CKAP2: variants seen among roughly 807,000 people sequenced by gnomAD.
The protein encoded by CKAP2 is cytoskeleton associated protein 2, also known as cytoskeleton-associated protein 2.
A neutral mutation model predicts 58.4 loss-of-function variants in CKAP2; 46 were observed. The observed-to-expected ratio is 0.79, with a 90% CI of 0.62 to 1.01. CKAP2 has a LOEUF of 1.01. Among genes scored for constraint, CKAP2 ranks in the 50% least tolerant of loss-of-function variants. The pLI, the probability that CKAP2 is intolerant of heterozygous loss-of-function variation, is 0.00. For synonymous variants in CKAP2, 293 were observed against 280.9 expected (o/e 1.04, Z -0.43); for missense variants, 809 against 796.4 (o/e 1.02, Z -0.19).
intron 6 of CKAP2, chr13:52,465,837 A>G: frequency 7.6e-6 from 3 of 392,618 alleles, no homozygotes; most frequent in Non-Finnish European, 1.5e-5. Context: ...TCGCTTTTTA[A>G]ATGTTATCAA....
chr13:52,461,179 A>C lies in CKAP2; in HGVS notation c.353A>C (p.His118Pro). The C allele has an allele frequency of 8.7e-6, 14 of 1,613,980 alleles. No homozygotes were observed. Among genetic ancestry groups the C allele is most frequent in the Non-Finnish European group, 1.2e-5 (14 of 1,179,994 alleles). Residue 118 changes from histidine (H) to proline (P), a missense_variant, in exon 4 of 9, where the codon CAT (histidine) becomes CCT (proline). His to Pro is a moderately conservative substitution (Grantham distance 77). This residue lies in a region of CKAP2 where 523 missense variants were observed against 492.4 expected (regional missense o/e 1.06). Coordinates refer to ENST00000258607, the MANE Select transcript of CKAP2 (RefSeq NM_018204.5). ...AATTCAACTGTAGTAATTGACACAC[A>C]TAAACCTAAGGATAGTAATCAAACT... is the stretch of plus-strand genomic sequence containing the variant. ...LTNSTVVIDT[H>P]KPKDSNQTPH...
chr13:52,471,361 G>A (rs1408878999), intron 7 of CKAP2, among the ~76,000 whole-genome samples: 1 of 152,148 alleles, frequency 6.6e-6, no homozygotes, highest in East Asian at 1.9e-4. Context: ...GGTATCATTA[G>A]TCTTTAGATG....
intron 2 of CKAP2, 129 bp downstream of exon 2, chr13:52,456,736 T>C (rs1463624328): frequency 3.0e-6 from 2 of 665,760 alleles, no homozygotes; most frequent in Non-Finnish European, 5.2e-6. Context: ...TGCTTACATA[T>C]TATTTTACGT....
At position 52,455,543 on chromosome 13, in the gene CKAP2, G is replaced by A. The variant is rs372978529; in HGVS notation, c.-14G>A. On this transcript the variant is annotated 5_prime_UTR_variant, in exon 1 of 9. Transcript: ENST00000258607. Reference sequence around the variant, plus strand: ...GCGCTAAAGCGGAGACGCATCCCCCGACCCGAGGCTACGATGAGCACACCG... The same window carrying A: ...GCGCTAAAGCGGAGACGCATCCCCCAACCCGAGGCTACGATGAGCACACCG... The A allele has an allele frequency of 3.1e-6, 5 of 1,612,776 alleles. No individual in the cohort carries two copies. Among genetic ancestry groups the A allele is most frequent in the Non-Finnish European group, 4.2e-6 (5 of 1,179,826 alleles).
chr13:52,462,394 G>C lies in CKAP2; in HGVS notation c.1132G>C (p.Gly378Arg), dbSNP rs1279323771. The change falls in exon 5 of 9, where the codon GGA (glycine) becomes CGA (arginine). Residue 378 changes from glycine to arginine, a missense_variant. By Grantham distance (125) the Gly-to-Arg change is moderately radical. Coordinates refer to ENST00000258607, the MANE Select transcript of CKAP2 (RefSeq NM_018204.5). ...TCTGAGTGAGTGGAAAGCTGGCAAA[G>C]GAAGAGTGCTAAAAAGGCCCCCTAA... Reference protein sequence around the residue: ...ARLSEWKAGKGRVLKRPPNSV... With the variant: ...ARLSEWKAGKRRVLKRPPNSV... 9.3e-6 allele frequency: 15 copies of C among 1,614,088 alleles called. 1 individual carries two copies. In the South Asian group the frequency reaches 1.5e-4, roughly 17 times the overall value.
At chr13:52,457,105 C>T (rs1032990840) in intron 2 of CKAP2, among the ~76,000 whole-genome samples, 7 of 152,054 alleles carry the variant, frequency 4.6e-5, no homozygotes, top group African/African-American at 1.2e-4. Flanking sequence ...CTATGTTGGC[C>T]GGGCTGGTCT....
chr13:52,475,113 G>A lies in CKAP2; in HGVS notation c.2021G>A (p.Arg674Gln), dbSNP rs1250721083. 1.2e-6 allele frequency: 2 copies of A among 1,614,046 alleles called. No homozygotes were observed. The highest frequency in any genetic ancestry group is 2.2e-5 in the East Asian group (1 of 44,896). ...TGCCGCCCTAATGCAGCACTGTGCC[G>A]GGTGTACTATGAGGCTGATACAACA... ...FVCRPNAALC[R>Q]VYYEADTT The change falls in exon 9 of 9, where the codon CGG becomes CAG. Residue 674 changes from arginine to glutamine, a missense_variant. Physicochemically the swap from Arg to Gln is conservative, Grantham distance 43 (BLOSUM62 1). Transcript: ENST00000258607.
intron 7 of CKAP2, among the ~76,000 whole-genome samples, chr13:52,469,986 T>C (rs61959707): frequency 0.038 from 5,785 of 152,316 alleles, 135 homozygotes; most frequent in South Asian, 0.07. Flanking sequence ...GGTTTTCAAT[T>C]ATTTGCTGTA....
At chr13:52,465,658 A>G (rs1958657026) in intron 6 of CKAP2, 193 bp downstream of exon 6, 1 of 655,762 alleles carries the variant, frequency 1.5e-6, no homozygotes, top group Admixed American at 2.3e-5. Flanking sequence ...TGTATTGGGA[A>G]TAATCAGATT....
Position 52,475,000 on chromosome 13 carries a change from A to G in CKAP2, c.1908A>G (p.Lys636=). Residue 636 remains lysine, a synonymous_variant, in exon 9 of 9, where the codon AAA becomes AAG. Transcript: ENST00000258607. ...GACGTCTTCAAGAGAAAACTTCTAA[A>G]TTGCCAGATATGTTAAAAGATCATT... ...RSRRLQEKTS[K]LPDMLKDHYP... 6.2e-7 allele frequency: 1 copy of G among 1,614,220 alleles called. No individual in the cohort carries two copies. Among genetic ancestry groups the G allele is most frequent in the Non-Finnish European group, 8.5e-7 (1 of 1,180,030 alleles).
intron 2 of CKAP2, among the ~76,000 whole-genome samples, chr13:52,459,451 T>C (rs545351674): frequency 5.8e-4 from 88 of 152,076 alleles, no homozygotes; most frequent in South Asian, 2.5e-3. Flanking sequence ...GCCTCCAGGG[T>C]AGCTGGGATT....
Position 52,461,487 on chromosome 13 carries a change from A to C in CKAP2, c.661A>C (p.Asn221His). The C allele has an allele frequency of 6.2e-7, 1 of 1,614,160 alleles. No individual in the cohort carries two copies. Among genetic ancestry groups the C allele is most frequent in the Non-Finnish European group, 8.5e-7 (1 of 1,180,028 alleles). ...IPKATKPQPV[N>H]TSSVTVKSNR... ...TAAAGCCACAAAACCTCAGCCTGTAAACACCAGCAGTGTAACAGTGAAAAG... is the reference window on the plus strand; with the variant it reads ...TAAAGCCACAAAACCTCAGCCTGTACACACCAGCAGTGTAACAGTGAAAAG... Residue 221 changes from asparagine to histidine, a missense_variant, in exon 4 of 9, where the codon AAC (asparagine) becomes CAC (histidine). Coordinates refer to ENST00000258607, the MANE Select transcript of CKAP2 (RefSeq NM_018204.5).
rs574052005 is a variant in CKAP2 at position 52,462,043 on chromosome 13, T to C, written c.1100+117T>C. 3.6e-4 allele frequency: 343 copies of C among 958,044 alleles called. 2 individuals are homozygous for C. In the East Asian group the frequency reaches 9.3e-3, roughly 26 times the overall value. 59.3% of individuals were successfully genotyped at this position (958,044 alleles called of 1,614,324 possible). A position where few individuals can be genotyped will look rare whatever the true frequency, so the allele number is the denominator to read the frequency against. On this transcript the variant is annotated intron_variant, in intron 4 of 8. Coordinates refer to ENST00000258607, the MANE Select transcript of CKAP2 (RefSeq NM_018204.5). ...TTCTTTCATGGTTTCTCTTCTGTCA[T>C]ATGCAGGCAAATTTATATTGTGGAA...
Position 52,475,324 on chromosome 13 carries a change from G to A in CKAP2, c.*183G>A. The A allele has an allele frequency of 1.4e-6, 1 of 706,886 alleles. No homozygotes were observed. The allele number at this position is 706,886 out of a possible 1,614,324, so 43.8% of individuals were successfully genotyped here. A position where few individuals can be genotyped will look rare whatever the true frequency, so the allele number is the denominator to read the frequency against. On this transcript the variant is annotated 3_prime_UTR_variant, in exon 9 of 9. Transcript: ENST00000258607. ...CAAGAGTTGTCCTCTACATTGGAAA[G>A]CTAATCCTACCTTGTCAGTTTCAAC... is the stretch of plus-strand genomic sequence containing the variant.
intron 1 of CKAP2, chr13:52,455,969 G>C (rs1419499853): frequency 1.8e-6 from 2 of 1,102,858 alleles, no homozygotes; most frequent in Non-Finnish European, 2.2e-6. Context: ...TTCAGGGACC[G>C]ACTGCGCCTG....
At chr13:52,465,693 T>C (rs1381935333) in intron 6 of CKAP2, 1 of 622,258 alleles carries the variant, frequency 1.6e-6, no homozygotes, top group Admixed American at 2.2e-5. Flanking sequence ...TAAGCTGAAA[T>C]GTATATTTAA....
At chr13:52,474,200 T>G in intron 8 of CKAP2, 116 bp downstream of exon 8, 1 of 1,073,500 alleles carries the variant, frequency 9.3e-7, no homozygotes, top group East Asian at 2.5e-5. Flanking sequence ...ATATAGAAAT[T>G]TCAGTACGGG....
chr13:52,470,869 C>T (rs923595247), intron 7 of CKAP2, among the ~76,000 whole-genome samples: 1 of 152,134 alleles, frequency 6.6e-6, no homozygotes, highest in Non-Finnish European at 1.5e-5. Flanking sequence ...TTAAGAATAA[C>T]CCAGTCCTGG....
At position 52,455,525 on chromosome 13, in the gene CKAP2, A is replaced by G. The variant is rs1689998159; in HGVS notation, c.-32A>G. The G allele has an allele frequency of 1.2e-6, 2 of 1,612,468 alleles. No individual in the cohort carries two copies. Among genetic ancestry groups the G allele is most frequent in the Non-Finnish European group, 1.7e-6 (2 of 1,179,494 alleles). ...TGAGGAAGTTCTATCTTGGCGCTAA[A>G]GCGGAGACGCATCCCCCGACCCGAG... is the stretch of plus-strand genomic sequence containing the variant. On this transcript the variant is annotated 5_prime_UTR_variant, in exon 1 of 9. Coordinates refer to ENST00000258607, the MANE Select transcript of CKAP2 (RefSeq NM_018204.5).
Sources: gnomAD v4.1 joint callset for allele counts (sites outside exome capture counted in the v4.1 genomes callset) on GRCh38, gnomAD v4.1.1 for gene constraint, gnomAD v4.1.1 regional missense constraint, MANE v1.5 for transcripts, NCBI Gene and HGNC (gene_info 2026-07-23, HGNC 2026-07-21) for gene names.